The following CAMTA1 variants were observed in gnomAD, a reference collection of about 807,000 sequenced individuals.
The protein encoded by CAMTA1 is calmodulin binding transcription activator 1, also known as calmodulin-binding transcription activator 1.
A neutral mutation model predicts 170.9 loss-of-function variants in CAMTA1; 27 were observed. That is an observed-to-expected ratio of 0.16 (90% CI 0.12 to 0.22). CAMTA1 has a LOEUF of 0.22. Among genes scored for constraint, CAMTA1 ranks in the 10% least tolerant of loss-of-function variants. The probability of loss-of-function intolerance (pLI) is 1.00; values close to 1 mark genes in which losing one functional copy is unlikely to be tolerated. For missense variants in CAMTA1, 1,619 were observed against 2,217.2 expected, an observed-to-expected ratio of 0.73 and a Z score of 5.42; for synonymous variants, 833 against 891.5, an observed-to-expected ratio of 0.93 and a Z score of 1.17.
intron 3 of CAMTA1, among the ~76,000 whole-genome samples, chr1:6,868,565 A>G (rs1171186614): frequency 6.6e-6 from 1 of 150,780 alleles, no homozygotes; most frequent in African/African-American, 2.4e-5. Context: ...TAGAAATGAC[A>G]TTCTTTGTTC....
chr1:7,549,019 TA>T, intron 6 of CAMTA1, among the ~76,000 whole-genome samples: 1 of 138,592 alleles, frequency 7.2e-6, no homozygotes, highest in African/African-American at 2.7e-5. Flanking sequence ...GGTGCCCCCT[TA>T]GGGGTGGAGA....
intron 3 of CAMTA1, among the ~76,000 whole-genome samples, chr1:6,855,784 A>G (rs1039033619): frequency 6.6e-6 from 1 of 152,154 alleles, no homozygotes; most frequent in African/African-American, 2.4e-5. Context: ...AGAGAATTGT[A>G]AAGAATATGA....
intron 3 of CAMTA1, among the ~76,000 whole-genome samples, chr1:7,021,939 G>A (rs1349830164): frequency 1.3e-5 from 2 of 152,142 alleles, no homozygotes; most frequent in East Asian, 1.9e-4. Context: ...TGGTTTATTC[G>A]GTAGGACAAG....
At chr1:7,340,716 GCATCCATCCATCCATCCATC>G (rs60556819) in intron 5 of CAMTA1, among the ~76,000 whole-genome samples, 19 of 146,794 alleles carry the variant, frequency 1.3e-4, no homozygotes, top group South Asian at 4.6e-4. Context: ...TTCCACCTGT[GCATCCATCCATCCATCCATC>G]CATCCATCCA....
In CAMTA1 at chr1:7,450,616, C is replaced by G. The variant is rs578257782; in HGVS notation, c.439-17214C>G. Reference sequence around the variant, plus strand: ...TCTGCCTGCAAGATTCAATACCGCCCCGTGCAGGTTAGCAGCACATTGGAT... The same window carrying G: ...TCTGCCTGCAAGATTCAATACCGCCGCGTGCAGGTTAGCAGCACATTGGAT... On this transcript the variant is annotated intron_variant, in intron 5 of 22. Coordinates refer to ENST00000303635, the MANE Select transcript of CAMTA1 (RefSeq NM_015215.4). 7.9e-5 allele frequency among the ~76,000 whole-genome samples: 12 copies of G among 152,358 alleles called. No individual in the cohort carries two copies. In the South Asian group the frequency reaches 2.5e-3, roughly 32 times the overall value.
chr1:7,345,483 G>T (rs530722409), intron 5 of CAMTA1, among the ~76,000 whole-genome samples: 4 of 152,306 alleles, frequency 2.6e-5, no homozygotes, highest in Non-Finnish European at 4.4e-5. Context: ...GCCATGGTGG[G>T]CCCATCCTGA....
At chr1:6,884,228 T>C (rs561968943) in intron 3 of CAMTA1, among the ~76,000 whole-genome samples, 1 of 151,836 alleles carries the variant, frequency 6.6e-6, no homozygotes, top group Admixed American at 6.6e-5. Flanking sequence ...GTAGAGGTCA[T>C]GTGCTTCGAT....
In CAMTA1 at chr1:7,290,229, A is replaced by G. The variant is rs552886908; in HGVS notation, c.438+40603A>G. ...CCTGGCAGAGGGAAGGGATGGGGTG[A>G]GGAAACTCGGTTCTGCCTTTGACAG... On this transcript the variant is annotated intron_variant, in intron 5 of 22. Transcript: ENST00000303635. 3.3e-5 allele frequency among the ~76,000 whole-genome samples: 5 copies of G among 152,330 alleles called. No homozygotes were observed. In the South Asian group the frequency reaches 1.0e-3, roughly 32 times the overall value.
rs1352186403 is a variant in CAMTA1, at chr1:7,586,204, C to A, written c.511-54196C>A. The stretch of plus-strand genomic sequence containing the variant: ...CACCCTCCAGTGTGGGCGGCCCCTC[C>A]CTGCAGCTGCATCTCAGGGCCCAGC... On this transcript the variant is annotated intron_variant, in intron 6 of 22. Transcript: ENST00000303635. 2.6e-5 allele frequency among the ~76,000 whole-genome samples: 4 copies of A among 152,112 alleles called. No individual in the cohort carries two copies. The East Asian group carries it at 7.7e-4, about 29-fold the overall frequency.
intron 3 of CAMTA1, among the ~76,000 whole-genome samples, chr1:6,941,602 C>T (rs976694101): frequency 1.2e-4 from 18 of 152,206 alleles, no homozygotes; most frequent in African/African-American, 2.7e-4. Context: ...AGGTTAGCGC[C>T]GTGGGCAATT....
At chr1:7,627,971 G>C (rs567542518) in intron 6 of CAMTA1, among the ~76,000 whole-genome samples, 3 of 152,132 alleles carry the variant, frequency 2.0e-5, no homozygotes, top group Non-Finnish European at 2.9e-5. Context: ...CGGCTTAGCC[G>C]AAAGAAGATG....
intron 6 of CAMTA1, among the ~76,000 whole-genome samples, chr1:7,622,800 G>A (rs1358680083): frequency 6.6e-6 from 1 of 152,258 alleles, no homozygotes; most frequent in Non-Finnish European, 1.5e-5. Context: ...CAGGCTCAAG[G>A]CTTAGCAAGC....
intron 5 of CAMTA1, among the ~76,000 whole-genome samples, chr1:7,434,894 A>G (rs1348098021): frequency 6.6e-6 from 1 of 151,446 alleles, no homozygotes; most frequent in Non-Finnish European, 1.5e-5. Context: ...AAAAAAAAAA[A>G]TACAGAAATT....
At chr1:6,926,933 G>A (rs1477318138) in intron 3 of CAMTA1, among the ~76,000 whole-genome samples, 1 of 151,724 alleles carries the variant, frequency 6.6e-6, no homozygotes, top group Non-Finnish European at 1.5e-5. Context: ...GTCTTGCTTT[G>A]TTGCCCAGGC....
Position 7,098,935 on chromosome 1 carries a change from G to A in CAMTA1, c.302+7564G>A, listed in dbSNP as rs1642408941. 2.0e-5 allele frequency among the ~76,000 whole-genome samples: 3 copies of A among 152,302 alleles called. No individual in the cohort carries two copies. In the South Asian group the frequency reaches 6.2e-4, roughly 32 times the overall value. On this transcript the variant is annotated intron_variant, in intron 4 of 22. Coordinates refer to ENST00000303635, the MANE Select transcript of CAMTA1 (RefSeq NM_015215.4). Reference sequence around the variant, plus strand: ...CTCCTCACTTCTTGGGGCCAGGAGTGCAAGTTCCCGGTGTCCTGGAGGAGC... The same window carrying A: ...CTCCTCACTTCTTGGGGCCAGGAGTACAAGTTCCCGGTGTCCTGGAGGAGC...
chr1:7,574,819 C>A (rs2095170945), intron 6 of CAMTA1, among the ~76,000 whole-genome samples: 1 of 152,192 alleles, frequency 6.6e-6, no homozygotes, highest in African/African-American at 2.4e-5. Flanking sequence ...CTCCAGCCAA[C>A]TTGGCTTCCA....
chr1:7,150,789 G>C (rs1646526976), intron 4 of CAMTA1, among the ~76,000 whole-genome samples: 1 of 152,230 alleles, frequency 6.6e-6, no homozygotes, highest in Admixed American at 6.5e-5. Flanking sequence ...TGCTTCGAGG[G>C]AAATGACCTG....
intron 4 of CAMTA1, among the ~76,000 whole-genome samples, chr1:7,201,643 G>T (rs1384654130): frequency 6.6e-6 from 1 of 152,136 alleles, no homozygotes; most frequent in Admixed American, 6.5e-5. Flanking sequence ...ATAATATCAA[G>T]TGTCTTTGTG....
intron 3 of CAMTA1, among the ~76,000 whole-genome samples, chr1:6,911,237 G>C (rs1679616710): frequency 6.6e-6 from 1 of 152,314 alleles, no homozygotes; most frequent in Admixed American, 6.5e-5. Context: ...CAAATGGCAG[G>C]CTGGCTCTGT....
Sources: gnomAD v4.1 joint callset for allele counts (sites outside exome capture counted in the v4.1 genomes callset) on GRCh38, gnomAD v4.1.1 for gene constraint, MANE v1.5 for transcripts, NCBI Gene and HGNC (gene_info 2026-07-23, HGNC 2026-07-21) for gene names.